The following FRMD4A variants were observed in gnomAD, a reference collection of about 807,000 sequenced individuals.
FRMD4A encodes FERM domain containing 4A, also known as FERM domain-containing protein 4A.
A neutral mutation model predicts 129.1 loss-of-function variants in FRMD4A; 29 were observed. The ratio of observed to expected loss-of-function variants is 0.22; its 90% CI spans 0.17 to 0.31. The LOEUF (loss-of-function observed/expected upper bound fraction) is 0.31, where lower values mean the gene tolerates loss of function less well. Ranked by LOEUF, FRMD4A falls within the 10% of genes least tolerant of loss-of-function variation. The pLI is 1.00. For missense variants in FRMD4A, 1,272 were observed against 1,375.8 expected (o/e 0.92, Z 1.19); for synonymous variants, 634 against 571.6 (o/e 1.11, Z -1.56).
At chr10:14,117,742 G>A (rs1838273482) in intron 2 of FRMD4A, among the ~76,000 whole-genome samples, 1 of 152,192 alleles carries the variant, frequency 6.6e-6, no homozygotes, top group African/African-American at 2.4e-5. Flanking sequence ...AATATTTCTT[G>A]TGTACCTGTC....
intron 2 of FRMD4A, among the ~76,000 whole-genome samples, chr10:14,132,033 C>T (rs571548006): frequency 6.6e-6 from 1 of 152,188 alleles, no homozygotes; most frequent in African/African-American, 2.4e-5. Flanking sequence ...AGTCTGTAAT[C>T]CCAGCACTTC....
At chr10:14,013,429 T>A (rs371181366) in intron 2 of FRMD4A, among the ~76,000 whole-genome samples, 1 of 151,948 alleles carries the variant, frequency 6.6e-6, no homozygotes, top group African/African-American at 2.4e-5. Flanking sequence ...TGACCTCACC[T>A]CCAGGCTGTA....
chr10:13,786,296 T>A (rs1394309491), intron 5 of FRMD4A, among the ~76,000 whole-genome samples: 2 of 152,204 alleles, frequency 1.3e-5, no homozygotes, highest in Admixed American at 6.5e-5. Context: ...GTTTCCTGAC[T>A]TTTTAATGAT....
In FRMD4A at chr10:13,945,026, T is replaced by C. The variant is rs553744862; in HGVS notation, c.46-86114A>G. On this transcript the variant is annotated intron_variant, in intron 2 of 24. Transcript: ENST00000357447. ...TTTACGTGGACATCTCCTATTCCAG[T>C]GATCGCCCCTCCGGTCTCTCCACCA... 9.9e-5 allele frequency among the ~76,000 whole-genome samples: 15 copies of C among 152,272 alleles called. No individual in the cohort carries two copies. The South Asian group carries it at 2.3e-3, about 23-fold the overall frequency.
intron 2 of FRMD4A, among the ~76,000 whole-genome samples, chr10:13,915,905 G>A (rs572419712): frequency 6.6e-6 from 1 of 152,240 alleles, no homozygotes; most frequent in African/African-American, 2.4e-5. Context: ...TTGGAGTCAG[G>A]GACCAGGCAC....
chr10:14,328,654 G>GTGTGCATA (rs1410543389), intron 2 of FRMD4A, among the ~76,000 whole-genome samples: 1 of 151,132 alleles, frequency 6.6e-6, no homozygotes, highest in East Asian at 1.9e-4. Context: ...GTGTGTGTGT[G>GTGTGCATA]TGTGTGCATA....
chr10:14,032,910 G>A (rs775491596), intron 2 of FRMD4A, among the ~76,000 whole-genome samples: 10 of 152,210 alleles, frequency 6.6e-5, no homozygotes, highest in African/African-American at 1.4e-4. Flanking sequence ...ACTTTGCCTG[G>A]TATTGCCAGA....
intron 2 of FRMD4A, among the ~76,000 whole-genome samples, chr10:14,025,774 A>G: frequency 6.6e-6 from 1 of 152,156 alleles, no homozygotes. Flanking sequence ...TATAAGTGAG[A>G]TCATATAGTG....
intron 1 of FRMD4A, 47 bp from the exon 2 acceptor site, chr10:14,330,230 A>G: frequency 1.1e-6 from 1 of 922,832 alleles, no homozygotes. Context: ...CAAAAGGCTC[A>G]AGGGGAAGAT....
chr10:14,144,560 G>C (rs186416146), intron 2 of FRMD4A, among the ~76,000 whole-genome samples: 40 of 152,080 alleles, frequency 2.6e-4, no homozygotes, highest in African/African-American at 9.6e-4. Flanking sequence ...CTGACAATAG[G>C]GTGTCTTAGC....
chr10:13,912,929 T>G (rs368405728), intron 2 of FRMD4A, among the ~76,000 whole-genome samples: 42 of 151,998 alleles, frequency 2.8e-4, no homozygotes, highest in South Asian at 2.5e-3. Context: ...CAAAATTAGC[T>G]GGGTGTGGTG....
At chr10:14,121,590 G>A (rs558020446) in intron 2 of FRMD4A, among the ~76,000 whole-genome samples, 1 of 152,234 alleles carries the variant, frequency 6.6e-6, no homozygotes, top group African/African-American at 2.4e-5. Context: ...GGTGTGAAAG[G>A]GCAAAGCAAC....
At chr10:14,326,308 C>T (rs1843272876) in intron 2 of FRMD4A, 1 of 152,048 alleles carries the variant, frequency 6.6e-6, no homozygotes, top group Admixed American at 6.5e-5. Flanking sequence ...GGAGCGAATC[C>T]AAAGTGTTAG....
At chr10:13,661,740 G>A (rs1232818356) in intron 19 of FRMD4A, among the ~76,000 whole-genome samples, 1 of 152,064 alleles carries the variant, frequency 6.6e-6, no homozygotes, top group East Asian at 1.9e-4. Flanking sequence ...AGAGAGAGGA[G>A]GGAACGATTC....
intron 2 of FRMD4A, among the ~76,000 whole-genome samples, chr10:14,200,324 C>G (rs1416715705): frequency 6.9e-6 from 1 of 144,616 alleles, no homozygotes; most frequent in Non-Finnish European, 1.6e-5. Context: ...CAGACTCTCA[C>G]TCTGTCACAC....
At chr10:13,658,242 T>C (rs1168292429) in intron 21 of FRMD4A, among the ~76,000 whole-genome samples, 1 of 148,690 alleles carries the variant, frequency 6.7e-6, no homozygotes, top group Non-Finnish European at 1.5e-5. Context: ...TTTAACCAAA[T>C]ACTATTACAT....
chr10:13,927,433 C>T (rs2095146289), intron 2 of FRMD4A, among the ~76,000 whole-genome samples: 1 of 152,184 alleles, frequency 6.6e-6, no homozygotes, highest in South Asian at 2.1e-4. Context: ...TTGATTTTTA[C>T]AGCTTACTGA....
intron 12 of FRMD4A, among the ~76,000 whole-genome samples, chr10:13,732,535 C>T (rs1044301089): frequency 2.0e-5 from 3 of 152,180 alleles, no homozygotes; most frequent in Admixed American, 6.5e-5. Flanking sequence ...GTTGGTGCAA[C>T]GTGACAGAGC....
intron 2 of FRMD4A, among the ~76,000 whole-genome samples, chr10:14,139,113 GT>G (rs1332155800): frequency 6.6e-6 from 1 of 152,164 alleles, no homozygotes; most frequent in African/African-American, 2.4e-5. Context: ...AATCATTCTT[GT>G]TTGTATTGTT....
Sources: gnomAD v4.1 joint callset for allele counts (sites outside exome capture counted in the v4.1 genomes callset) on GRCh38, gnomAD v4.1.1 for gene constraint, MANE v1.5 for transcripts, NCBI Gene and HGNC (gene_info 2026-07-23, HGNC 2026-07-21) for gene names.